Variants in ADGRL2 observed in about 807,000 individuals in gnomAD.
ADGRL2 encodes adhesion G protein-coupled receptor L2.
ADGRL2 carries 44 observed loss-of-function variants against 157.4 expected under a neutral mutation model. That is an observed-to-expected ratio of 0.28 (90% CI 0.22 to 0.36). ADGRL2 has a LOEUF of 0.36. Among genes scored for constraint, ADGRL2 ranks in the 10% least tolerant of loss-of-function variants. The pLI, the probability that ADGRL2 is intolerant of heterozygous loss-of-function variation, is 1.00. For synonymous variants in ADGRL2, 585 were observed against 624.7 expected (o/e 0.94, Z 0.95); for missense variants, 1,510 against 1,768.9 (o/e 0.85, Z 2.63).
At chr1:81,548,224 CCTTT>C (rs1430616442) in intron 2 of ADGRL2, among the ~76,000 whole-genome samples, 2 of 152,044 alleles carry the variant, frequency 1.3e-5, no homozygotes, top group African/African-American at 2.4e-5. Context: ...CAATTCTCTT[CCTTT>C]CTTTTTTTAC....
chr1:81,938,114 C>G (rs1244121667), intron 4 of ADGRL2, among the ~76,000 whole-genome samples: 1 of 151,676 alleles, frequency 6.6e-6, no homozygotes, highest in African/African-American at 2.4e-5. Context: ...GGATTGGAAG[C>G]CTACTGAGTA....
intron 2 of ADGRL2, chr1:81,579,286 G>A (rs1258019978): frequency 6.6e-6 from 1 of 152,102 alleles, no homozygotes; most frequent in African/African-American, 2.4e-5. Context: ...TATTTACATG[G>A]GTTCTATTTC....
intron 1 of ADGRL2, among the ~76,000 whole-genome samples, chr1:81,742,188 A>G (rs2149226268): frequency 6.6e-6 from 1 of 152,110 alleles, no homozygotes; most frequent in South Asian, 2.1e-4. Context: ...TGGGAATAGT[A>G]TGTTTCCTAC....
chr1:81,358,854 G>T (rs1173286380), intron 1 of ADGRL2, among the ~76,000 whole-genome samples: 1 of 151,738 alleles, frequency 6.6e-6, no homozygotes, highest in Non-Finnish European at 1.5e-5. Context: ...GTTCTATACA[G>T]AAGAATTACC....
At chr1:81,320,062 T>G (rs1237764055) in intron 1 of ADGRL2, among the ~76,000 whole-genome samples, 1 of 152,224 alleles carries the variant, frequency 6.6e-6, no homozygotes. Flanking sequence ...GCTTACATAA[T>G]ATTCCAAATC....
intron 2 of ADGRL2, among the ~76,000 whole-genome samples, chr1:81,447,674 G>GA (rs949364984): frequency 6.6e-6 from 1 of 152,022 alleles, no homozygotes; most frequent in Admixed American, 6.6e-5. Flanking sequence ...CTGATTTTTA[G>GA]AAAAAAACTT....
chr1:81,415,062 T>C (rs972565140), intron 1 of ADGRL2, among the ~76,000 whole-genome samples: 4 of 152,228 alleles, frequency 2.6e-5, no homozygotes, highest in African/African-American at 9.6e-5. Flanking sequence ...AAAAGGAACC[T>C]GAACATTAAA....
intron 3 of ADGRL2, among the ~76,000 whole-genome samples, chr1:81,605,183 T>C (rs1212476584): frequency 6.6e-6 from 1 of 152,088 alleles, no homozygotes; most frequent in Admixed American, 6.6e-5. Flanking sequence ...AAAGAGCCCT[T>C]CCCCCAGTCT....
chr1:81,753,288 A>G (rs2085551372), intron 1 of ADGRL2, among the ~76,000 whole-genome samples: 1 of 152,210 alleles, frequency 6.6e-6, no homozygotes, highest in Non-Finnish European at 1.5e-5. Flanking sequence ...GGTGGCAGGC[A>G]AGAGAGAGCT....
intron 1 of ADGRL2, among the ~76,000 whole-genome samples, chr1:81,720,920 CATAA>C (rs988357372): frequency 7.4e-5 from 11 of 149,558 alleles, no homozygotes; most frequent in African/African-American, 2.7e-4. Flanking sequence ...TATATATTAA[CATAA>C]ATAAATAAAT....
At chr1:81,717,667 A>C (rs2149106627) in intron 1 of ADGRL2, among the ~76,000 whole-genome samples, 1 of 152,326 alleles carries the variant, frequency 6.6e-6, no homozygotes, top group East Asian at 1.9e-4. Flanking sequence ...CTGTTGCCTA[A>C]GTCTTGGGTT....
intron 2 of ADGRL2, among the ~76,000 whole-genome samples, chr1:81,462,230 C>T (rs921073884): frequency 1.3e-5 from 2 of 152,284 alleles, no homozygotes; most frequent in East Asian, 3.9e-4. Context: ...TAAAATGAAC[C>T]AATCAGCAGG....
chr1:81,627,518 T>C (rs1185174169), intron 3 of ADGRL2, among the ~76,000 whole-genome samples: 2 of 152,220 alleles, frequency 1.3e-5, no homozygotes, highest in Non-Finnish European at 2.9e-5. Context: ...CATTAAGCCC[T>C]TTATTTTCAT....
chr1:81,430,698 T>C (rs2077304015), intron 1 of ADGRL2, among the ~76,000 whole-genome samples: 1 of 152,220 alleles, frequency 6.6e-6, no homozygotes, highest in Admixed American at 6.5e-5. Flanking sequence ...TTGTTTTTAA[T>C]AGCCTAACTT....
At chr1:81,905,592 A>G (rs1557882835) in intron 2 of ADGRL2, among the ~76,000 whole-genome samples, 2 of 152,246 alleles carry the variant, frequency 1.3e-5, no homozygotes, top group African/African-American at 4.8e-5. Context: ...TAAAAACCAC[A>G]GTGCTTCATA....
intron 2 of ADGRL2, among the ~76,000 whole-genome samples, chr1:81,560,501 C>T (rs1024996270): frequency 1.3e-5 from 2 of 152,118 alleles, no homozygotes; most frequent in Non-Finnish European, 2.9e-5. Flanking sequence ...TAGGCAACAG[C>T]CTCTATTTTT....
chr1:81,341,822 G>C (rs911790673), intron 1 of ADGRL2, among the ~76,000 whole-genome samples: 2 of 152,184 alleles, frequency 1.3e-5, no homozygotes, highest in African/African-American at 4.8e-5. Flanking sequence ...AATTACTCTA[G>C]TAAATGCTAG....
intron 5 of ADGRL2, 51 bp downstream of exon 5, chr1:81,942,096 T>A (rs932050635): frequency 7.1e-6 from 5 of 702,208 alleles, no homozygotes; most frequent in Non-Finnish European, 1.3e-5. Flanking sequence ...GCCTTATGGA[T>A]GTTAACCTCC....
chr1:81,896,569 T>C (rs984879641), intron 2 of ADGRL2, among the ~76,000 whole-genome samples: 49 of 152,100 alleles, frequency 3.2e-4, no homozygotes, highest in Admixed American at 7.2e-4. Flanking sequence ...CTCAAAACTT[T>C]AATATATATA....
Sources: gnomAD v4.1 joint callset for allele counts (sites outside exome capture counted in the v4.1 genomes callset) on GRCh38, gnomAD v4.1.1 for gene constraint, MANE v1.5 for transcripts, NCBI Gene and HGNC (gene_info 2026-07-23, HGNC 2026-07-21) for gene names.